BYSL: variants seen among roughly 807,000 people sequenced by gnomAD.
The protein encoded by BYSL is bystin.
A neutral mutation model predicts 45.4 loss-of-function variants in BYSL; 21 were observed. The ratio of observed to expected loss-of-function variants is 0.46; its 90% CI spans 0.33 to 0.67. BYSL has a LOEUF of 0.67. BYSL is among the 30% of genes least tolerant of loss of function. The pLI is 0.02. For synonymous variants in BYSL, 215 were observed against 231.3 expected, an observed-to-expected ratio of 0.93 and a Z score of 0.64; for missense variants, 522 against 578.5, an observed-to-expected ratio of 0.90 and a Z score of 1.00.
At chr6:41,926,668 T>C (rs1477790576) in intron 1 of BYSL, among the ~76,000 whole-genome samples, 1 of 150,644 alleles carries the variant, frequency 6.6e-6, no homozygotes, top group Non-Finnish European at 1.5e-5. Flanking sequence ...CCAGGGTGGT[T>C]TCGATCTCTT....
chr6:41,921,208 G>C, upstream of BYSL: 1 of 726,052 alleles, frequency 1.4e-6, no homozygotes, highest in East Asian at 2.9e-5. Context: ...CCTCGGTGAC[G>C]CCTCCACTGA....
At chr6:41,911,854 G>A in the BYSL span, among the ~76,000 whole-genome samples, 1 of 151,932 alleles carries the variant, frequency 6.6e-6, no homozygotes, top group South Asian at 2.1e-4. Context: ...TCTCGACTCT[G>A]AAGAAAAAAA....
chr6:41,909,164 ACT>A, the BYSL span: 12 of 1,429,908 alleles, frequency 8.4e-6, no homozygotes, highest in African/African-American at 1.8e-4. Context: ...ACAGAACAAG[ACT>A]CTGTCTCAAA....
At chr6:41,908,970 C>T in the BYSL span, 20 of 425,866 alleles carry the variant, frequency 4.7e-5, no homozygotes, top group Non-Finnish European at 7.9e-5. Context: ...ATCAATTGAG[C>T]CCAGGAGTCT....
intron 1 of BYSL, among the ~76,000 whole-genome samples, chr6:41,925,598 C>T (rs899322834): frequency 2.0e-5 from 3 of 152,126 alleles, no homozygotes; most frequent in African/African-American, 7.2e-5. Context: ...CTCCTGACCT[C>T]GTGATCCGCC....
chr6:41,915,765 C>T, the BYSL span, among the ~76,000 whole-genome samples: 29 of 82,256 alleles, frequency 3.5e-4, no homozygotes, highest in East Asian at 9.2e-3. Context: ...CCAGCCTGGG[C>T]GACAGAGCCA....
chr6:41,921,754 G>C lies in BYSL; in HGVS notation c.192G>C (p.Gln64His), dbSNP rs1412115399. 6.2e-7 allele frequency: 1 copy of C among 1,613,564 alleles called. No individual in the cohort carries two copies. Among genetic ancestry groups the C allele is most frequent in the Non-Finnish European group, 8.5e-7 (1 of 1,179,898 alleles). Residue 64 changes from glutamine to histidine, a missense_variant, in exon 1 of 7, where the codon CAG becomes CAC. Transcript: ENST00000230340. Reference sequence around the variant, plus strand: ...GACGGATTTTGCAGCAAGCACGGCAGCAACAGGAGGAACTCGAGGCCGAGC... The same window carrying C: ...GACGGATTTTGCAGCAAGCACGGCACCAACAGGAGGAACTCGAGGCCGAGC... ...LSRRILQQAR[Q>H]QQEELEAEHG... is the part of the protein sequence containing the mutation.
At chr6:41,909,181 A>AG in the BYSL span, 1 of 1,514,598 alleles carries the variant, frequency 6.6e-7, no homozygotes, top group Non-Finnish European at 8.8e-7. Flanking sequence ...CTCAAAAAAA[A>AG]AAAAAGAGAA....
At chr6:41,931,119 C>CCCTAGTGATAGCAGAATCGAGAGGAG (rs1561945424) in intron 4 of BYSL, among the ~76,000 whole-genome samples, 1 of 81,020 alleles carries the variant, frequency 1.2e-5, no homozygotes. Flanking sequence ...ATGCTCAGGG[C>CCCTAGTGATAGCAGAATCGAGAGGAG]TACTCAACTG....
chr6:41,919,177 G>A (rs560596105), upstream of BYSL, among the ~76,000 whole-genome samples: 25 of 137,478 alleles, frequency 1.8e-4, no homozygotes, highest in Admixed American at 8.0e-4. Context: ...ACAGCACAAA[G>A]AGGTTAAATA....
At position 41,930,610 on chromosome 6, in the gene BYSL, ATTGTTTTACCT is replaced by A. The variant is rs1424890652; in HGVS notation, c.571-24_571-14del. 6.3e-7 allele frequency: 1 copy of A among 1,591,258 alleles called. No individual in the cohort carries two copies. Among genetic ancestry groups the A allele is most frequent in the Non-Finnish European group, 8.5e-7 (1 of 1,170,034 alleles). ...AGCTTGCCATATGTGGATGACGATG[ATTGTTTTACCT>A]CCCTCATCCCTAGGTATTATCTAAG... is the stretch of plus-strand genomic sequence containing the variant. On this transcript the variant is annotated splice_polypyrimidine_tract_variant and intron_variant, in intron 3 of 6. Transcript: ENST00000230340.
At position 41,932,809 on chromosome 6, in the gene BYSL, C is replaced by G; in HGVS notation, c.*103C>G. On this transcript the variant is annotated 3_prime_UTR_variant, in exon 7 of 7. Transcript: ENST00000230340. The surrounding 1 kb of genome is among the most constrained non-coding windows in gnomAD (Gnocchi z 4.7). ...AGCTTTAATGGCTGAAGACCCAGAT[C>G]AGGGCAGTGACAGATCACAGGGACA... is the stretch of plus-strand genomic sequence containing the variant. 2 of 1,230,130 alleles carry G rather than the reference C, an allele frequency of 1.6e-6. No individual in the cohort carries two copies. The highest frequency in any genetic ancestry group is 4.9e-5 in the Admixed American group (2 of 40,454). 76.2% of individuals were successfully genotyped at this position (1,230,130 alleles called of 1,614,324 possible).
intron 1 of BYSL, among the ~76,000 whole-genome samples, chr6:41,924,282 C>G (rs1775533151): frequency 6.6e-6 from 1 of 151,646 alleles, no homozygotes; most frequent in Non-Finnish European, 1.5e-5. Context: ...TGTTGGCCAG[C>G]CTGGTCTCAA....
upstream of BYSL, chr6:41,920,835 T>A: frequency 4.3e-6 from 3 of 697,660 alleles, no homozygotes; most frequent in Non-Finnish European, 6.7e-6. Flanking sequence ...AAGGGGCGCA[T>A]CTCTGAGGAA....
At chr6:41,924,761 C>T (rs1342624462) in intron 1 of BYSL, among the ~76,000 whole-genome samples, 3 of 152,114 alleles carry the variant, frequency 2.0e-5, no homozygotes, top group African/African-American at 7.2e-5. Flanking sequence ...TGACCGTCTG[C>T]AGAGTGGAAA....
chr6:41,913,635 C>T, the BYSL span, among the ~76,000 whole-genome samples: 1 of 152,214 alleles, frequency 6.6e-6, no homozygotes, highest in African/African-American at 2.4e-5. Context: ...TGCAGTGGCT[C>T]ATGCCTGTAA....
intron 2 of BYSL, 68 bp from the exon 3 acceptor site, chr6:41,930,064 C>T: frequency 8.2e-6 from 13 of 1,588,626 alleles, no homozygotes; most frequent in Non-Finnish European, 1.0e-5. Context: ...GAGTCTGGAG[C>T]TTCCTGGACA....
chr6:41,921,890 G>C, intron 1 of BYSL, 60 bp downstream of exon 1: 1 of 1,530,250 alleles, frequency 6.5e-7, no homozygotes, highest in Middle Eastern at 2.4e-4. Flanking sequence ...GGGGTGGGCA[G>C]CTAAAAAGTG....
At chr6:41,909,020 TAA>T in the BYSL span, 1,058 of 434,130 alleles carry the variant, frequency 2.4e-3, no homozygotes, top group South Asian at 4.5e-3. Context: ...TCATTTCTAC[TAA>T]AAAAAAAAAA....
Sources: allele counts gnomAD v4.1 joint callset (sites outside exome capture counted in the v4.1 genomes callset), GRCh38; gene constraint gnomAD v4.1.1; non-coding constraint Gnocchi (gnomAD v3.1); transcripts MANE v1.5; gene names NCBI Gene and HGNC (gene_info 2026-07-23, HGNC 2026-07-21).